The following CPNE4 variants were observed in gnomAD, a reference collection of about 807,000 sequenced individuals.
CPNE4 encodes the protein copine 4, also known as copine-4.
A neutral mutation model predicts 67.9 loss-of-function variants in CPNE4; 25 were observed. The ratio of observed to expected loss-of-function variants is 0.37; its 90% confidence interval spans 0.27 to 0.51. The LOEUF is 0.51. Ranked by LOEUF, CPNE4 falls within the 20% of genes least tolerant of loss-of-function variation. CPNE4 has a pLI of 0.93. For missense variants in CPNE4, 464 were observed against 690.8 expected (o/e 0.67, Z 3.68); for synonymous variants, 242 against 244.9 (o/e 0.99, Z 0.11).
intron 1 of CPNE4, among the ~76,000 whole-genome samples, chr3:131,954,033 A>C (rs2071860878): frequency 6.6e-6 from 1 of 152,224 alleles, no homozygotes; most frequent in Non-Finnish European, 1.5e-5. Flanking sequence ...ATTATGTATA[A>C]ATAAGAAAGA....
Position 131,696,687 on chromosome 3 carries a change from T to C in CPNE4, c.433-71A>G. ...TAGCTCCAGAACCCATGAGCAAATT[T>C]AGTTCCTGTTTGGTTCAAAACTCAA... On this transcript the variant is annotated intron_variant, in intron 4 of 15. Transcript: ENST00000429747. 5 of 1,401,740 alleles carry C rather than the reference T, an allele frequency of 3.6e-6. No homozygotes were observed. In the South Asian group the frequency reaches 4.7e-5, roughly 13 times the overall value. 86.8% of individuals were successfully genotyped at this position (1,401,740 alleles called of 1,614,324 possible). A position where few individuals can be genotyped will look rare whatever the true frequency, so the allele number is the denominator to read the frequency against.
At position 131,731,916 on chromosome 3, in the gene CPNE4, T is replaced by C. The variant is rs976881206; in HGVS notation, c.181-8291A>G. ...CATATATACTAGTAATTCTCAAACT[T>C]TTCTTGCATCGAAACCACCTGGGGA... On this transcript the variant is annotated intron_variant, in intron 2 of 15. Coordinates refer to ENST00000429747, the MANE Select transcript of CPNE4 (RefSeq NM_130808.3). Among the ~76,000 whole-genome samples, 5 of 152,258 alleles carry C rather than the reference T, an allele frequency of 3.3e-5. No individual in the cohort carries two copies. In the East Asian group the frequency reaches 7.7e-4, roughly 23 times the overall value.
intron 7 of CPNE4, among the ~76,000 whole-genome samples, chr3:131,659,031 A>G (rs1428911778): frequency 6.6e-6 from 1 of 152,240 alleles, no homozygotes; most frequent in Non-Finnish European, 1.5e-5. Context: ...TAAAAACAAC[A>G]TTTCCAAATG....
intron 2 of CPNE4, among the ~76,000 whole-genome samples, chr3:131,745,247 CTT>C (rs1314948791): frequency 3.3e-5 from 5 of 152,018 alleles, no homozygotes; most frequent in Non-Finnish European, 7.4e-5. Flanking sequence ...TGAAACGTCT[CTT>C]CATGTCTTTT....
intron 7 of CPNE4, among the ~76,000 whole-genome samples, chr3:131,590,819 T>C (rs73874145): frequency 0.025 from 3,842 of 152,316 alleles, 83 homozygotes; most frequent in African/African-American, 0.065. Context: ...TTAGTTCTAG[T>C]CACAAAGGAT....
At chr3:131,620,545 C>G (rs1410585504) in intron 7 of CPNE4, 1 of 753,086 alleles carries the variant, frequency 1.3e-6, no homozygotes, top group Non-Finnish European at 1.6e-6. Context: ...ACCCTTATCC[C>G]TGGGACCTGT....
At chr3:131,795,848 C>T (rs2083904737) in intron 2 of CPNE4, among the ~76,000 whole-genome samples, 2 of 152,130 alleles carry the variant, frequency 1.3e-5, no homozygotes, top group Admixed American at 1.3e-4. Context: ...TAAATGTGGC[C>T]ACCTCAGCAC....
chr3:131,817,345 A>G (rs1168954845), intron 2 of CPNE4, among the ~76,000 whole-genome samples: 2 of 152,194 alleles, frequency 1.3e-5, no homozygotes, highest in Admixed American at 1.3e-4. Flanking sequence ...GGGAGCAGGG[A>G]GAGTTCTAGG....
chr3:131,833,156 G>T (rs2085438519), intron 2 of CPNE4, among the ~76,000 whole-genome samples: 1 of 152,090 alleles, frequency 6.6e-6, no homozygotes, highest in South Asian at 2.1e-4. Flanking sequence ...CTTGACCTTA[G>T]ATTTTCCAGT....
chr3:131,957,522 A>G (rs1156951907), intron 1 of CPNE4, among the ~76,000 whole-genome samples: 1 of 152,242 alleles, frequency 6.6e-6, no homozygotes, highest in African/African-American at 2.4e-5. Flanking sequence ...CTGAAAAGAT[A>G]TAGAATTAAA....
chr3:131,913,246 A>T (rs1400354956), intron 1 of CPNE4, among the ~76,000 whole-genome samples: 1 of 152,190 alleles, frequency 6.6e-6, no homozygotes, highest in Non-Finnish European at 1.5e-5. Context: ...GTCTCCATAG[A>T]TAAAAACACC....
intron 7 of CPNE4, among the ~76,000 whole-genome samples, chr3:131,640,855 T>C (rs1246419891): frequency 6.6e-6 from 1 of 152,012 alleles, no homozygotes; most frequent in Non-Finnish European, 1.5e-5. Context: ...AACCCAGAAA[T>C]AAAGCCAAAT....
rs1341692383 is a variant in CPNE4 at position 131,677,255 on chromosome 3, AG to A, written c.592-7492del. On this transcript the variant is annotated intron_variant, in intron 6 of 15. Coordinates refer to ENST00000429747, the MANE Select transcript of CPNE4 (RefSeq NM_130808.3). ...TTATTATTATTATACTTTAAGTTTC[AG>A]GGTACCTTTGCCCACTTTTTAATGA... Among the ~76,000 whole-genome samples, 3 of 151,298 alleles carry A rather than the reference AG, an allele frequency of 2.0e-5. No homozygotes were observed. The East Asian group carries it at 5.8e-4, about 29-fold the overall frequency.
At chr3:131,626,825 C>G (rs1346082033) in intron 7 of CPNE4, among the ~76,000 whole-genome samples, 2 of 152,176 alleles carry the variant, frequency 1.3e-5, no homozygotes, top group Non-Finnish European at 2.9e-5. Context: ...CTTTGAAAGA[C>G]AGGCTGACTC....
At chr3:131,868,587 T>C (rs1170138591) in intron 2 of CPNE4, among the ~76,000 whole-genome samples, 1 of 152,248 alleles carries the variant, frequency 6.6e-6, no homozygotes, top group African/African-American at 2.4e-5. Flanking sequence ...GCAGCCCAAA[T>C]AAATTCTAAC....
chr3:131,910,840 C>A (rs879913093), intron 1 of CPNE4, among the ~76,000 whole-genome samples: 1 of 152,086 alleles, frequency 6.6e-6, no homozygotes, highest in African/African-American at 2.4e-5. Flanking sequence ...TAGGAACCTC[C>A]GTATGAATTC....
At chr3:131,860,621 T>C (rs1238620342) in intron 2 of CPNE4, among the ~76,000 whole-genome samples, 1 of 152,172 alleles carries the variant, frequency 6.6e-6, no homozygotes, top group East Asian at 1.9e-4. Flanking sequence ...TTAGGTCAGA[T>C]AGACTTTATT....
At chr3:131,553,956 G>C (rs1302547915) in intron 12 of CPNE4, among the ~76,000 whole-genome samples, 4 of 152,086 alleles carry the variant, frequency 2.6e-5, no homozygotes, top group African/African-American at 4.8e-5. Context: ...TGACAGGAAG[G>C]ATGGAGTTAG....
rs78007260 is a variant in CPNE4 at position 131,969,668 on chromosome 3, A to G, written c.-1-64224T>C. On this transcript the variant is annotated intron_variant, in intron 1 of 15. Transcript: ENST00000429747. ...TTGGTGCACTTCAGAGCACAGGTCT[A>G]AGGGGCAGCAGGGTGCTTTATAGAT... is the stretch of plus-strand genomic sequence containing the variant. 2.4e-3 allele frequency among the ~76,000 whole-genome samples: 365 copies of G among 152,298 alleles called. 3 individuals carry two copies. The highest frequency in any genetic ancestry group is 8.5e-3 in the African/African-American group (352 of 41,564).
Sources: gnomAD v4.1 joint callset for allele counts (sites outside exome capture counted in the v4.1 genomes callset) on GRCh38, gnomAD v4.1.1 for gene constraint, MANE v1.5 for transcripts, NCBI Gene and HGNC (gene_info 2026-07-23, HGNC 2026-07-21) for gene names.